SKP2: variants seen among roughly 807,000 people sequenced by gnomAD.
SKP2 encodes the protein S-phase kinase associated protein 2.
In SKP2, 16 loss-of-function variants were observed where a neutral mutation model predicts 51.8. That is an observed-to-expected ratio of 0.31 (90% confidence interval 0.21 to 0.47). SKP2 has a LOEUF of 0.47. SKP2 is among the 20% of genes least tolerant of loss of function. The pLI, the probability that SKP2 is intolerant of heterozygous loss-of-function variation, is 1.00. For missense variants in SKP2, 377 were observed against 505.3 expected (o/e 0.75, Z 2.43); for synonymous variants, 176 against 198.6 (o/e 0.89, Z 0.96).
At chr5:36,153,866 A>G (rs975803203) in intron 2 of SKP2, among the ~76,000 whole-genome samples, 1 of 152,168 alleles carries the variant, frequency 6.6e-6, no homozygotes, top group African/African-American at 2.4e-5. Context: ...AGAACCCTGG[A>G]GTATGCAAAA....
At chr5:36,188,757 C>T (rs1227257761), downstream of SKP2, among the ~76,000 whole-genome samples, 1 of 152,118 alleles carries the variant, frequency 6.6e-6, no homozygotes, top group African/African-American at 2.4e-5. Context: ...TCTGTATTTC[C>T]TGAATTTGAA....
intron 6 of SKP2, among the ~76,000 whole-genome samples, chr5:36,190,613 T>A (rs1163574097): frequency 2.0e-5 from 3 of 146,450 alleles, no homozygotes; most frequent in Admixed American, 7.0e-5. Context: ...GATTCTTGAA[T>A]ATCACCCAAT....
chr5:36,156,121 G>A (rs1432016208), intron 2 of SKP2, among the ~76,000 whole-genome samples: 3 of 152,200 alleles, frequency 2.0e-5, no homozygotes, highest in African/African-American at 4.8e-5. Flanking sequence ...ATTACCTAAG[G>A]AGAGGCACAG....
chr5:36,176,480 ATAT>A (rs1366341131), intron 7 of SKP2, among the ~76,000 whole-genome samples: 5 of 151,212 alleles, frequency 3.3e-5, no homozygotes, highest in Admixed American at 6.6e-5. Context: ...AAATACAAAA[ATAT>A]TATTTTTGTA....
intron 3 of SKP2, among the ~76,000 whole-genome samples, chr5:36,164,655 CAG>C (rs1370734508): frequency 6.6e-6 from 1 of 152,194 alleles, no homozygotes; most frequent in African/African-American, 2.4e-5. Flanking sequence ...AGAAGAGCCG[CAG>C]AGAGGGTTGC....
intron 5 of SKP2, 26 bp downstream of exon 5, chr5:36,168,473 A>G (rs1158947906): frequency 6.2e-7 from 1 of 1,613,132 alleles, no homozygotes; most frequent in East Asian, 2.2e-5. Flanking sequence ...AGTGTCACAA[A>G]GGCAGTTGAT....
intron 1 of SKP2, 74 bp downstream of exon 1, chr5:36,152,344 T>A: frequency 7.5e-7 from 1 of 1,339,290 alleles, no homozygotes; most frequent in South Asian, 1.2e-5. Context: ...CGAATATCGC[T>A]ACTGGCTAAT....
At chr5:36,156,935 T>TA (rs1223203369) in intron 2 of SKP2, among the ~76,000 whole-genome samples, 1 of 152,166 alleles carries the variant, frequency 6.6e-6, no homozygotes, top group African/African-American at 2.4e-5. Context: ...TTTTTTTTTT[T>TA]AACCAGTAAG....
chr5:36,157,640 G>A (rs3804444), intron 2 of SKP2, among the ~76,000 whole-genome samples: 105,632 of 151,900 alleles, frequency 0.7, 40,904 homozygotes, highest in Non-Finnish European at 0.87. Flanking sequence ...CAATTCTGAG[G>A]TGAGCACCCC....
Position 36,171,653 on chromosome 5 carries a change from T to C in SKP2, c.821T>C (p.Val274Ala), listed in dbSNP as rs918418488. 1 of 1,613,864 alleles carries C rather than the reference T, an allele frequency of 6.2e-7. No homozygotes were observed. The highest frequency in any genetic ancestry group is 8.5e-7 in the Non-Finnish European group (1 of 1,179,730). The change falls in exon 7 of 10, where the codon GTA becomes GCA. Residue 274 changes from valine (V) to alanine (A), a missense_variant. Val to Ala is a moderately conservative substitution (Grantham distance 64). This residue lies in a region of SKP2 where 262 missense variants were observed against 389.8 expected (regional missense o/e 0.67). Transcript: ENST00000274255. ...TGTTTTGATTTCACTGAAAAGCATG[T>C]ACAGGTGGCTGTTGCGCATGTGTCA... ...SWCFDFTEKHVQVAVAHVSET... is the reference protein window; with the variant it reads ...SWCFDFTEKHAQVAVAHVSET...
chr5:36,152,396 T>C lies in SKP2; in HGVS notation c.8+126T>C, dbSNP rs902851424. The C allele has an allele frequency of 4.2e-6, 4 of 956,802 alleles. No individual in the cohort carries two copies. The African/African-American group carries it at 6.4e-5, about 15-fold the overall frequency. 59.3% of individuals were successfully genotyped at this position (956,802 alleles called of 1,614,324 possible). ...TTAAGTGAATGGTTGCTTAGCCCCT[T>C]CTTGGGGAAAGTGTGAATGGATGGA... On this transcript the variant is annotated intron_variant, in intron 1 of 9. Transcript: ENST00000274255.
chr5:36,157,372 TC>T (rs1744983722), intron 2 of SKP2, among the ~76,000 whole-genome samples: 1 of 152,206 alleles, frequency 6.6e-6, no homozygotes, highest in Admixed American at 6.5e-5. Flanking sequence ...GTTGAGCAAG[TC>T]TTTCATAGAA....
At chr5:36,191,810 C>T (rs982627563) in intron 6 of SKP2, among the ~76,000 whole-genome samples, 1 of 152,084 alleles carries the variant, frequency 6.6e-6, no homozygotes, top group Non-Finnish European at 1.5e-5. Flanking sequence ...CTATTCCTCC[C>T]CACCTAGCCA....
intron 4 of SKP2, 63 bp downstream of exon 4, chr5:36,166,725 C>G: frequency 2.2e-6 from 2 of 902,992 alleles, no homozygotes; most frequent in East Asian, 5.2e-5. Context: ...CAGATCAAAG[C>G]TTTTTTTTTT....
Position 36,182,013 on chromosome 5 carries a change from A to G in SKP2, c.1257A>G (p.Gln419=), listed in dbSNP as rs369958834. 9.9e-6 allele frequency: 16 copies of G among 1,614,154 alleles called. No homozygotes were observed. The African/African-American group carries it at 1.7e-4, about 17-fold the overall frequency. ...IWGIKCRLTL[Q]KPSCL ...GCATCAAATGCCGACTGACACTGCAAAAGCCCAGTTGTCTATGAAGTATTT... is the reference window on the plus strand; with the variant it reads ...GCATCAAATGCCGACTGACACTGCAGAAGCCCAGTTGTCTATGAAGTATTT... The change falls in exon 10 of 10, where the codon CAA becomes CAG. Residue 419 remains glutamine, a synonymous_variant. Transcript: ENST00000274255.
chr5:36,189,436 ACAGT>A (rs1181367552), intron 6 of SKP2, among the ~76,000 whole-genome samples: 1 of 152,150 alleles, frequency 6.6e-6, no homozygotes, highest in Non-Finnish European at 1.5e-5. Flanking sequence ...GTTCCTTCTA[ACAGT>A]CAGGACCCTC....
At chr5:36,178,712 G>T (rs957990757) in intron 9 of SKP2, among the ~76,000 whole-genome samples, 2 of 152,074 alleles carry the variant, frequency 1.3e-5, no homozygotes, top group Non-Finnish European at 2.9e-5. Context: ...GCCCCCTGGG[G>T]AGTGTGGTGA....
intron 7 of SKP2, among the ~76,000 whole-genome samples, chr5:36,174,781 G>C (rs928390363): frequency 6.6e-6 from 1 of 152,088 alleles, no homozygotes; most frequent in African/African-American, 2.4e-5. Flanking sequence ...TGGACCCAGA[G>C]AACTGACTGA....
chr5:36,184,243 G>T lies in SKP2; in HGVS notation c.*2212G>T. Reference sequence around the variant, plus strand: ...AAGTTTATAATGCCTTTATAAAAGGGGCTAATACAGTCTTGTTATCTTTTT... The same window carrying T: ...AAGTTTATAATGCCTTTATAAAAGGTGCTAATACAGTCTTGTTATCTTTTT... On this transcript the variant is annotated 3_prime_UTR_variant, in exon 10 of 10. Transcript: ENST00000274255. The T allele has an allele frequency of 6.9e-6, 2 of 290,864 alleles. No individual in the cohort carries two copies. The highest frequency in any genetic ancestry group is 6.3e-6 in the Non-Finnish European group (1 of 159,148). 18.0% of individuals were successfully genotyped at this position (290,864 alleles called of 1,614,324 possible).
Sources: allele counts gnomAD v4.1 joint callset (sites outside exome capture counted in the v4.1 genomes callset), GRCh38; gene constraint gnomAD v4.1.1; regional missense constraint gnomAD v4.1.1; transcripts MANE v1.5; gene names NCBI Gene and HGNC (gene_info 2026-07-23, HGNC 2026-07-21).